Variants in CGNL1 observed in about 807,000 individuals in gnomAD.
CGNL1 encodes the protein cingulin like 1, also known as cingulin-like protein 1.
In CGNL1, 132 loss-of-function variants were observed where a neutral mutation model predicts 141.2. That is an observed-to-expected ratio of 0.93 (90% CI 0.81 to 1.08). CGNL1 has a LOEUF of 1.08. Among genes scored for constraint, CGNL1 ranks in the 50% least tolerant of loss-of-function variants. The probability of loss-of-function intolerance (pLI) is 0.00; values close to 1 mark genes in which losing one functional copy is unlikely to be tolerated. For synonymous variants in CGNL1, 690 were observed against 622.1 expected (o/e 1.11, Z -1.63); for missense variants, 1,870 against 1,588.6 (o/e 1.18, Z -3.01).
intron 8 of CGNL1, among the ~76,000 whole-genome samples, chr15:57,509,053 G>A (rs960055893): frequency 2.6e-5 from 4 of 152,148 alleles, no homozygotes; most frequent in Non-Finnish European, 5.9e-5. Context: ...CAATATGGGG[G>A]ACTTGCTTTC....
intron 1 of CGNL1, among the ~76,000 whole-genome samples, chr15:57,429,900 C>G (rs1218153886): frequency 1.3e-5 from 2 of 152,188 alleles, no homozygotes; most frequent in South Asian, 4.2e-4. Flanking sequence ...GCCTTGACCT[C>G]TCTGGGCTCA....
rs1163528657 is a variant in CGNL1 at position 57,545,677 on chromosome 15, T to A, written c.3586T>A (p.Ser1196Thr). Reference sequence around the variant, plus strand: ...GATGCAGGTGGATGATGAGCACCTGTCATTGACTGATCAGAAGGACCAGGT... The same window carrying A: ...GATGCAGGTGGATGATGAGCACCTGACATTGACTGATCAGAAGGACCAGGT... ...LVMQVDDEHL[S>T]LTDQKDQLSL... is the part of the protein sequence containing the mutation. The change falls in exon 17 of 19, where the codon TCA becomes ACA. Residue 1196 changes from serine to threonine, a missense_variant. Coordinates refer to ENST00000281282, the MANE Select transcript of CGNL1 (RefSeq NM_032866.5). 6.2e-7 allele frequency: 1 copy of A among 1,613,016 alleles called. No homozygotes were observed. The highest frequency in any genetic ancestry group is 8.5e-7 in the Non-Finnish European group (1 of 1,179,462).
Position 57,528,795 on chromosome 15 carries a change from A to G in CGNL1, c.3181A>G (p.Arg1061Gly), listed in dbSNP as rs746540350. The G allele has an allele frequency of 3.7e-5, 59 of 1,613,838 alleles. No individual in the cohort carries two copies. Among genetic ancestry groups the G allele is most frequent in the Non-Finnish European group, 4.8e-5 (57 of 1,179,992 alleles). The change falls in exon 13 of 19, where the codon AGG (arginine) becomes GGG (glycine). Residue 1061 changes from arginine to glycine, a missense_variant. Physicochemically the swap from Arg to Gly is moderately radical, Grantham distance 125. Coordinates refer to ENST00000281282, the MANE Select transcript of CGNL1 (RefSeq NM_032866.5). ...GAGTCACCTCAAAGATGACCGCAGC[A>G]GGCTGGTCAAGCAGATGGAGGTCTG... is the stretch of plus-strand genomic sequence containing the variant. ...AKSHLKDDRS[R>G]LVKQMEDKVS...
intron 1 of CGNL1, among the ~76,000 whole-genome samples, chr15:57,396,307 C>T (rs1302301000): frequency 2.7e-5 from 4 of 145,534 alleles, no homozygotes; most frequent in Non-Finnish European, 5.9e-5. Context: ...AAACAGTCTC[C>T]TCTGTTGCCC....
At chr15:57,542,087 G>T (rs2032597352) in intron 14 of CGNL1, among the ~76,000 whole-genome samples, 1 of 152,198 alleles carries the variant, frequency 6.6e-6, no homozygotes, top group Non-Finnish European at 1.5e-5. Context: ...TGCAAGCCTG[G>T]CCCAATGTGG....
In CGNL1 at chr15:57,439,498, C is replaced by T. The variant is rs147135049; in HGVS notation, c.1499C>T (p.Ala500Val). 5 of 1,614,078 alleles carry T rather than the reference C, an allele frequency of 3.1e-6. No homozygotes were observed. The highest frequency in any genetic ancestry group is 1.7e-5 in the Admixed American group (1 of 60,014). The change falls in exon 2 of 19, where the codon GCC (alanine) becomes GTC (valine). Residue 500 changes from alanine to valine, a missense_variant. Transcript: ENST00000281282. ...QSKKEEEVKT[A>V]TATLMLQNRA... ...AAAAAGGAGGAGGAGGTGAAAACAG[C>T]CACCGCTACGCTGATGTTACAGAAC...
At chr15:57,530,720 GT>G (rs1192617436) in intron 13 of CGNL1, among the ~76,000 whole-genome samples, 1 of 152,152 alleles carries the variant, frequency 6.6e-6, no homozygotes, top group Admixed American at 6.5e-5. Flanking sequence ...TTCCCTATAG[GT>G]TTTGATCACT....
intron 1 of CGNL1, among the ~76,000 whole-genome samples, chr15:57,382,885 T>C (rs562288549): frequency 1.4e-4 from 22 of 152,352 alleles, no homozygotes; most frequent in African/African-American, 4.8e-4. Flanking sequence ...TGGGGCTCTT[T>C]TGACTTGATT....
At chr15:57,382,060 C>G (rs1306013643) in intron 1 of CGNL1, among the ~76,000 whole-genome samples, 1 of 152,146 alleles carries the variant, frequency 6.6e-6, no homozygotes, top group South Asian at 2.1e-4. Flanking sequence ...AGATTAAAAA[C>G]AAAATTCAGC....
chr15:57,474,958 T>C (rs1261350646), intron 8 of CGNL1, among the ~76,000 whole-genome samples: 1 of 152,238 alleles, frequency 6.6e-6, no homozygotes, highest in Non-Finnish European at 1.5e-5. Context: ...TAATTTTTTG[T>C]CACTGGGGGC....
intron 8 of CGNL1, among the ~76,000 whole-genome samples, chr15:57,512,372 G>A (rs1359509094): frequency 6.6e-6 from 1 of 152,174 alleles, no homozygotes; most frequent in African/African-American, 2.4e-5. Context: ...TATAAAAGGT[G>A]AGCTGGCCAT....
chr15:57,480,456 G>A (rs1391667011), intron 8 of CGNL1, among the ~76,000 whole-genome samples: 1 of 152,120 alleles, frequency 6.6e-6, no homozygotes, highest in Non-Finnish European at 1.5e-5. Context: ...GGAGGCGGAG[G>A]TTGCAGTGAG....
Position 57,464,094 on chromosome 15 carries a change from G to A in CGNL1, c.2403+2202G>A, listed in dbSNP as rs147465187. On this transcript the variant is annotated intron_variant, in intron 8 of 18. Transcript: ENST00000281282. ...TGTCCTTTTTTTTTTTCCTGAGAGGGAGTGACAAACTCTAGTACCTCTGGG... is the reference window on the plus strand; with the variant it reads ...TGTCCTTTTTTTTTTTCCTGAGAGGAAGTGACAAACTCTAGTACCTCTGGG... Among the ~76,000 whole-genome samples, 257 of 151,506 alleles carry A rather than the reference G, an allele frequency of 1.7e-3. 3 individuals carry two copies. Among genetic ancestry groups the A allele is most frequent in the African/African-American group, 6.0e-3 (245 of 41,174 alleles).
intron 1 of CGNL1, among the ~76,000 whole-genome samples, chr15:57,383,292 C>CTTTTTTTTTTTTTTTTTT (rs59213732): frequency 1.9e-4 from 21 of 109,590 alleles, no homozygotes; most frequent in African/African-American, 5.8e-4. Context: ...TTCTTTCTTC[C>CTTTTTTTTTTTTTTTTTT]TTTTTTTTTT....
At chr15:57,432,858 A>G (rs1333211758) in intron 1 of CGNL1, among the ~76,000 whole-genome samples, 9 of 152,266 alleles carry the variant, frequency 5.9e-5, no homozygotes, top group African/African-American at 2.2e-4. Context: ...AAATTTAAAT[A>G]TGTGGATTAA....
At chr15:57,530,917 T>C (rs1387223924) in intron 13 of CGNL1, among the ~76,000 whole-genome samples, 1 of 152,228 alleles carries the variant, frequency 6.6e-6, no homozygotes, top group Non-Finnish European at 1.5e-5. Flanking sequence ...CCAATTGCTT[T>C]TTAGCATTTG....
chr15:57,437,383 C>G (rs1249281486), intron 1 of CGNL1, among the ~76,000 whole-genome samples: 2 of 151,896 alleles, frequency 1.3e-5, no homozygotes, highest in Admixed American at 6.6e-5. Context: ...GTGTTGGAAA[C>G]ATTATATTCA....
chr15:57,495,457 A>C (rs1025413451), intron 8 of CGNL1, among the ~76,000 whole-genome samples: 2 of 152,158 alleles, frequency 1.3e-5, no homozygotes, highest in Non-Finnish European at 2.9e-5. Context: ...GTTTCTTTAA[A>C]ATCAAATGTC....
rs187767791 is a variant in CGNL1, at chr15:57,501,491, C to T, written c.2404-15289C>T. Among the ~76,000 whole-genome samples the T allele has an allele frequency of 2.3e-3, 343 of 152,274 alleles. 3 individuals are homozygous for T. The highest frequency in any genetic ancestry group is 7.5e-3 in the African/African-American group (311 of 41,548). On this transcript the variant is annotated intron_variant, in intron 8 of 18. Transcript: ENST00000281282. ...GGGGGTGCAACCAGCAACTTACCTG[C>T]GGCAATGTGGGGAGTTAGGCTTATT... is the stretch of plus-strand genomic sequence containing the variant.
Sources: allele counts gnomAD v4.1 joint callset (sites outside exome capture counted in the v4.1 genomes callset), GRCh38; gene constraint gnomAD v4.1.1; transcripts MANE v1.5; gene names NCBI Gene and HGNC (gene_info 2026-07-23, HGNC 2026-07-21).